Variants in MAST4 observed in about 807,000 individuals in gnomAD.
The protein encoded by MAST4 is microtubule associated serine/threonine kinase family member 4.
In MAST4, 89 loss-of-function variants were observed where a neutral mutation model predicts 162.7. That is an observed-to-expected ratio of 0.55 (90% CI 0.46 to 0.65). The LOEUF (loss-of-function observed/expected upper bound fraction) is 0.65, where lower values mean the gene tolerates loss of function less well. Among genes scored for constraint, MAST4 ranks in the 30% least tolerant of loss-of-function variants. The probability of loss-of-function intolerance (pLI) is 0.00; values close to 1 mark genes in which losing one functional copy is unlikely to be tolerated. For missense variants in MAST4, 3,153 were observed against 3,374.0 expected (o/e 0.93, Z 1.62); for synonymous variants, 1,479 against 1,361.1 (o/e 1.09, Z -1.91).
rs183339064 is a variant in MAST4, at chr5:66,863,373, G to A, written c.643-36578G>A. On this transcript the variant is annotated intron_variant, in intron 3 of 28. Coordinates refer to ENST00000403625, the MANE Select transcript of MAST4 (RefSeq NM_001164664.2). ...AACCACTTGCTCTTTAAAAAACTGG[G>A]ACTGGGCAGAGAAGGAATAAGGAAA... Among the ~76,000 whole-genome samples, 67 of 152,296 alleles carry A rather than the reference G, an allele frequency of 4.4e-4. 1 individual carries two copies. The East Asian group carries it at 0.013, about 29-fold the overall frequency.
chr5:66,807,996 G>A (rs1756286405), intron 3 of MAST4, among the ~76,000 whole-genome samples: 1 of 152,172 alleles, frequency 6.6e-6, no homozygotes, highest in Admixed American at 6.5e-5. Context: ...GTGCCACCCT[G>A]GTCTTCACTG....
At chr5:66,780,744 G>T (rs527726414) in intron 2 of MAST4, among the ~76,000 whole-genome samples, 2 of 146,140 alleles carry the variant, frequency 1.4e-5, no homozygotes, top group Non-Finnish European at 3.1e-5. Context: ...AGTGCTGATT[G>T]GTTCATTTTT....
chr5:66,829,250 A>G (rs1757435612), intron 3 of MAST4, among the ~76,000 whole-genome samples: 1 of 151,990 alleles, frequency 6.6e-6, no homozygotes, highest in African/African-American at 2.4e-5. Context: ...CTGGGAACGC[A>G]GGACTCAGTT....
chr5:66,757,343 C>T (rs1052030583), intron 1 of MAST4, among the ~76,000 whole-genome samples: 2 of 152,160 alleles, frequency 1.3e-5, no homozygotes, highest in African/African-American at 4.8e-5. Context: ...GGGTAGGCAT[C>T]CATTCTTAGT....
At chr5:66,704,492 C>CTTTTTTTTTTTTTTT (rs1172510331) in intron 1 of MAST4, among the ~76,000 whole-genome samples, 8 of 97,352 alleles carry the variant, frequency 8.2e-5, no homozygotes, top group Non-Finnish European at 1.2e-4. Context: ...GCTTGTTGTT[C>CTTTTTTTTTTTTTTT]TTTTTTTTTT....
intron 4 of MAST4, among the ~76,000 whole-genome samples, chr5:66,904,507 C>A (rs1327427217): frequency 6.6e-6 from 1 of 152,194 alleles, no homozygotes; most frequent in Non-Finnish European, 1.5e-5. Flanking sequence ...TTAAAATGAC[C>A]TTTCCTCCAC....
At chr5:67,033,347 C>G (rs55805884) in intron 4 of MAST4, among the ~76,000 whole-genome samples, 5 of 112,136 alleles carry the variant, frequency 4.5e-5, no homozygotes, top group Admixed American at 2.7e-4. Flanking sequence ...GTGTGTGTGG[C>G]TTTTTTTTTT....
intron 1 of MAST4, among the ~76,000 whole-genome samples, chr5:66,688,431 G>A (rs1748832054): frequency 1.3e-5 from 2 of 152,188 alleles, no homozygotes; most frequent in South Asian, 4.1e-4. Context: ...AAGTTTGGAT[G>A]AACTGAGCCT....
chr5:67,058,017 A>G (rs152629), intron 5 of MAST4, among the ~76,000 whole-genome samples: 3 of 151,736 alleles, frequency 2.0e-5, no homozygotes, highest in Non-Finnish European at 2.9e-5. Context: ...AGGCAGGAGG[A>G]TTGCTTGAGC....
At chr5:67,034,917 G>A (rs906608978) in intron 4 of MAST4, among the ~76,000 whole-genome samples, 2 of 152,054 alleles carry the variant, frequency 1.3e-5, no homozygotes, top group South Asian at 2.1e-4. Context: ...TAACTCAGAG[G>A]GTTAATTTAT....
chr5:66,968,372 G>A (rs1033138998), intron 4 of MAST4, among the ~76,000 whole-genome samples: 1 of 152,144 alleles, frequency 6.6e-6, no homozygotes, highest in Non-Finnish European at 1.5e-5. Flanking sequence ...GAGAAGGTAT[G>A]CTGTTTCTTC....
intron 4 of MAST4, among the ~76,000 whole-genome samples, chr5:67,045,914 C>T (rs1221674243): frequency 6.6e-6 from 1 of 152,084 alleles, no homozygotes; most frequent in Non-Finnish European, 1.5e-5. Flanking sequence ...TGCCTTTAAA[C>T]GATTGTCCCC....
intron 1 of MAST4, among the ~76,000 whole-genome samples, chr5:66,673,003 T>C (rs934598884): frequency 6.6e-6 from 1 of 152,224 alleles, no homozygotes; most frequent in Non-Finnish European, 1.5e-5. Flanking sequence ...TATAGAGTAG[T>C]AACTTTTTGT....
intron 1 of MAST4, among the ~76,000 whole-genome samples, chr5:66,719,803 G>C (rs1751082379): frequency 6.6e-6 from 1 of 151,924 alleles, no homozygotes; most frequent in African/African-American, 2.4e-5. Context: ...AATTAAACCA[G>C]ACCTTTTTTT....
intron 4 of MAST4, among the ~76,000 whole-genome samples, chr5:66,996,928 A>T (rs1192342758): frequency 1.3e-5 from 2 of 152,210 alleles, no homozygotes; most frequent in Non-Finnish European, 2.9e-5. Context: ...GGAATCTATT[A>T]TTCAGCCTAC....
Position 67,149,307 on chromosome 5 carries a change from C to A in MAST4, c.3095-82C>A, listed in dbSNP as rs369675952. 3.1e-5 allele frequency: 39 copies of A among 1,272,958 alleles called. No individual in the cohort carries two copies. In the East Asian group the frequency reaches 3.3e-4, roughly 11 times the overall value. 78.9% of individuals were successfully genotyped at this position (1,272,958 alleles called of 1,614,324 possible). A position where few individuals can be genotyped will look rare whatever the true frequency, so the allele number is the denominator to read the frequency against. ...AGTATGTTCTCTGGCGTTTACTCTTCCTGCTGTCTCTCTCTTCCCGTCTTC... is the reference window on the plus strand; with the variant it reads ...AGTATGTTCTCTGGCGTTTACTCTTACTGCTGTCTCTCTCTTCCCGTCTTC... On this transcript the variant is annotated intron_variant, in intron 23 of 28. Coordinates refer to ENST00000403625, the MANE Select transcript of MAST4 (RefSeq NM_001164664.2).
At chr5:67,084,143 T>G (rs889260636) in intron 5 of MAST4, among the ~76,000 whole-genome samples, 2 of 152,242 alleles carry the variant, frequency 1.3e-5, no homozygotes, top group Admixed American at 6.5e-5. Flanking sequence ...GACAAGAAAT[T>G]GACCTCTTAT....
rs778528085 is a variant in MAST4, at chr5:66,828,829, A to G, written c.642+40035A>G. 3.7e-6 allele frequency: 6 copies of G among 1,606,084 alleles called. No homozygotes were observed. In the African/African-American group the frequency reaches 8.0e-5, roughly 21 times the overall value. On this transcript the variant is annotated intron_variant, in intron 3 of 28. Transcript: ENST00000403625. ...CTAGACTGTTGTGAGAGGCTCAGAG[A>G]AAGCAGAGGGTGAGATGGATGAGTC...
At chr5:66,858,728 G>A (rs1363713984) in intron 3 of MAST4, among the ~76,000 whole-genome samples, 1 of 151,932 alleles carries the variant, frequency 6.6e-6, no homozygotes, top group African/African-American at 2.4e-5. Context: ...TATAATTTTG[G>A]TTAGAATTAC....
Sources: gnomAD v4.1 joint callset for allele counts (sites outside exome capture counted in the v4.1 genomes callset) on GRCh38, gnomAD v4.1.1 for gene constraint, MANE v1.5 for transcripts, NCBI Gene and HGNC (gene_info 2026-07-23, HGNC 2026-07-21) for gene names.